SCHIP1: variants seen among roughly 807,000 people sequenced by gnomAD.
The protein encoded by SCHIP1 is schwannomin interacting protein 1.
A neutral mutation model predicts 29.7 loss-of-function variants in SCHIP1; 8 were observed. That is an observed-to-expected ratio of 0.27 (90% confidence interval 0.16 to 0.49). SCHIP1 has a LOEUF of 0.49. Among genes scored for constraint, SCHIP1 ranks in the 20% least tolerant of loss-of-function variants. The probability of loss-of-function intolerance (pLI) is 0.99; values close to 1 mark genes in which losing one functional copy is unlikely to be tolerated. For missense variants in SCHIP1, 193 were observed against 294.6 expected, an observed-to-expected ratio of 0.66 and a Z score of 2.52; for synonymous variants, 76 against 94.9, an observed-to-expected ratio of 0.80 and a Z score of 1.16.
chr3:159,612,512 CAAG>C, the SCHIP1 span, among the ~76,000 whole-genome samples: 1 of 152,090 alleles, frequency 6.6e-6, no homozygotes, highest in East Asian at 1.9e-4. Flanking sequence ...TTTGCGAGGC[CAAG>C]GAGGGCAGAT....
the SCHIP1 span, among the ~76,000 whole-genome samples, chr3:159,533,406 C>A: frequency 6.6e-6 from 1 of 152,116 alleles, no homozygotes; most frequent in African/African-American, 2.4e-5. Context: ...CCCAACCCTG[C>A]AGGGTTGGCA....
the SCHIP1 span, among the ~76,000 whole-genome samples, chr3:159,680,640 T>A: frequency 1.7e-4 from 13 of 76,534 alleles, no homozygotes; most frequent in Admixed American, 2.3e-4. Context: ...TTTTATATAT[T>A]ATATAATATA....
At chr3:159,562,426 G>A in the SCHIP1 span, among the ~76,000 whole-genome samples, 64 of 152,320 alleles carry the variant, frequency 4.2e-4, no homozygotes, top group African/African-American at 1.4e-3. Context: ...GAACTTTAGA[G>A]CTAATGTTCT....
chr3:159,388,873 T>C, the SCHIP1 span, among the ~76,000 whole-genome samples: 1 of 152,152 alleles, frequency 6.6e-6, no homozygotes, highest in Non-Finnish European at 1.5e-5. Context: ...GCATAAATCT[T>C]CATCCTTTCC....
At chr3:159,429,396 C>G in the SCHIP1 span, among the ~76,000 whole-genome samples, 1 of 151,964 alleles carries the variant, frequency 6.6e-6, no homozygotes. Flanking sequence ...ATCTTCCCAT[C>G]ACCAAAAAAG....
the SCHIP1 span, among the ~76,000 whole-genome samples, chr3:159,421,395 G>A: frequency 6.6e-6 from 1 of 152,146 alleles, no homozygotes; most frequent in South Asian, 2.1e-4. Context: ...GAGGAATCCT[G>A]GGATGTTGTG....
the SCHIP1 span, among the ~76,000 whole-genome samples, chr3:159,393,954 T>C: frequency 6.6e-6 from 1 of 152,150 alleles, no homozygotes; most frequent in Non-Finnish European, 1.5e-5. Flanking sequence ...GAGCATGGGA[T>C]GTTCTTCCAT....
the SCHIP1 span, among the ~76,000 whole-genome samples, chr3:159,433,496 A>G: frequency 2.0e-5 from 3 of 152,224 alleles, no homozygotes; most frequent in Non-Finnish European, 4.4e-5. Context: ...TGATGAAGAC[A>G]TCTATTTCCA....
At chr3:159,581,447 C>T in the SCHIP1 span, among the ~76,000 whole-genome samples, 1 of 152,178 alleles carries the variant, frequency 6.6e-6, no homozygotes, top group African/African-American at 2.4e-5. Flanking sequence ...AACCTTTCTA[C>T]TTCAGCCTAA....
chr3:159,634,227 G>C, the SCHIP1 span, among the ~76,000 whole-genome samples: 65 of 152,210 alleles, frequency 4.3e-4, no homozygotes, highest in African/African-American at 1.6e-3. Flanking sequence ...TATTTTAAAA[G>C]AAAAAGTCAT....
the SCHIP1 span, among the ~76,000 whole-genome samples, chr3:159,832,144 GT>G: frequency 6.6e-6 from 1 of 152,182 alleles, no homozygotes; most frequent in East Asian, 1.9e-4. Flanking sequence ...TGCCCTAGGG[GT>G]TTTAACCTGC....
chr3:159,815,639 TAGG>T, the SCHIP1 span, among the ~76,000 whole-genome samples: 2 of 152,180 alleles, frequency 1.3e-5, no homozygotes, highest in African/African-American at 4.8e-5. Context: ...TTGAAGACAG[TAGG>T]AGAATAAATT....
chr3:159,458,786 T>C, the SCHIP1 span, among the ~76,000 whole-genome samples: 1 of 152,168 alleles, frequency 6.6e-6, no homozygotes, highest in Admixed American at 6.6e-5. Context: ...CTTTTATCCA[T>C]GGAGCTAGAA....
chr3:159,482,105 G>A, the SCHIP1 span, among the ~76,000 whole-genome samples: 5 of 152,122 alleles, frequency 3.3e-5, no homozygotes, highest in Non-Finnish European at 7.3e-5. Flanking sequence ...GTCAGGCATT[G>A]TGCACAGTGC....
At chr3:159,812,450 T>C in the SCHIP1 span, among the ~76,000 whole-genome samples, 1 of 152,212 alleles carries the variant, frequency 6.6e-6, no homozygotes, top group East Asian at 1.9e-4. Flanking sequence ...GATATTTCTA[T>C]GTTAAGGCCA....
At chr3:159,523,268 C>T in the SCHIP1 span, among the ~76,000 whole-genome samples, 7 of 152,160 alleles carry the variant, frequency 4.6e-5, no homozygotes, top group African/African-American at 1.7e-4. Context: ...GTTCAAACTT[C>T]CAGTTGTCTT....
intron 2 of SCHIP1, among the ~76,000 whole-genome samples, chr3:159,880,978 A>C (rs1249203746): frequency 5.3e-5 from 8 of 152,194 alleles, no homozygotes; most frequent in African/African-American, 1.7e-4. Flanking sequence ...GGTAAATATC[A>C]AACTGGAACA....
At chr3:159,678,373 T>C in the SCHIP1 span, among the ~76,000 whole-genome samples, 72 of 152,228 alleles carry the variant, frequency 4.7e-4, no homozygotes, top group Non-Finnish European at 1.6e-4. Flanking sequence ...TCAAGTACAA[T>C]TGACTATTTC....
chr3:159,508,424 G>T, the SCHIP1 span, among the ~76,000 whole-genome samples: 8 of 152,236 alleles, frequency 5.3e-5, no homozygotes, highest in Admixed American at 2.6e-4. Context: ...CCAGCTCCTG[G>T]ATTCATTGAT....
Sources: gnomAD v4.1 joint callset for allele counts (sites outside exome capture counted in the v4.1 genomes callset) on GRCh38, gnomAD v4.1.1 for gene constraint, MANE v1.5 for transcripts, NCBI Gene and HGNC (gene_info 2026-07-23, HGNC 2026-07-21) for gene names.